Variants in TTLL7 observed in about 807,000 individuals in gnomAD.
TTLL7 encodes the protein tubulin tyrosine ligase like 7.
A neutral mutation model predicts 120.2 loss-of-function variants in TTLL7; 53 were observed. That is an observed-to-expected ratio of 0.44 (90% CI 0.35 to 0.55). The LOEUF (loss-of-function observed/expected upper bound fraction) is 0.55, where lower values mean the gene tolerates loss of function less well. Ranked by LOEUF, TTLL7 falls within the 20% of genes least tolerant of loss-of-function variation. TTLL7 has a pLI of 0.00. For synonymous variants in TTLL7, 353 were observed against 351.7 expected, an observed-to-expected ratio of 1.00 and a Z score of -0.04; for missense variants, 803 against 1,054.7, an observed-to-expected ratio of 0.76 and a Z score of 3.31.
At chr1:83,904,857 T>C (rs1657047505) in intron 17 of TTLL7, among the ~76,000 whole-genome samples, 1 of 152,104 alleles carries the variant, frequency 6.6e-6, no homozygotes, top group African/African-American at 2.4e-5. Context: ...ATATATAGTC[T>C]TGTAATATAT....
chr1:83,876,763 T>C (rs1421324118), intron 20 of TTLL7, among the ~76,000 whole-genome samples: 1 of 152,042 alleles, frequency 6.6e-6, no homozygotes, highest in African/African-American at 2.4e-5. Context: ...TATATTGACT[T>C]TGATTTATAT....
chr1:83,936,199 G>GA (rs990862093), intron 8 of TTLL7, among the ~76,000 whole-genome samples: 2 of 151,918 alleles, frequency 1.3e-5, no homozygotes, highest in African/African-American at 4.8e-5. Context: ...AATTGTGTAG[G>GA]AAAAAACACC....
At chr1:83,929,305 C>T in intron 9 of TTLL7, 75 bp from the exon 10 acceptor site, 1 of 1,122,904 alleles carries the variant, frequency 8.9e-7, no homozygotes, top group Non-Finnish European at 1.3e-6. Flanking sequence ...AATGTGGGAT[C>T]TCTAGCCAGT....
intron 1 of TTLL7, among the ~76,000 whole-genome samples, chr1:83,968,980 T>C (rs983378795): frequency 1.3e-5 from 2 of 152,020 alleles, no homozygotes; most frequent in African/African-American, 4.8e-5. Flanking sequence ...CTGAACATAG[T>C]AGGTACTCCA....
intron 19 of TTLL7, among the ~76,000 whole-genome samples, chr1:83,889,416 T>C (rs1447825639): frequency 3.3e-5 from 5 of 152,048 alleles, no homozygotes; most frequent in Non-Finnish European, 5.9e-5. Flanking sequence ...GTATATATCA[T>C]ACTTTATCTG....
At chr1:83,988,564 C>T (rs189124681) in intron 1 of TTLL7, among the ~76,000 whole-genome samples, 182 of 152,212 alleles carry the variant, frequency 1.2e-3, no homozygotes, top group Admixed American at 5.9e-3. Context: ...TTTGACTTTT[C>T]GTTAGTTGCC....
chr1:83,998,136 A>G (rs748087834), intron 1 of TTLL7, among the ~76,000 whole-genome samples: 3 of 152,228 alleles, frequency 2.0e-5, no homozygotes, highest in Non-Finnish European at 2.9e-5. Context: ...TCCATGGACT[A>G]TAGAGTCAGG....
At chr1:83,982,406 TTATATAAA>T (rs983175057) in intron 1 of TTLL7, among the ~76,000 whole-genome samples, 2 of 151,916 alleles carry the variant, frequency 1.3e-5, no homozygotes, top group Non-Finnish European at 2.9e-5. Context: ...GAAAAAAAAC[TTATATAAA>T]TATAAGAAAT....
intron 17 of TTLL7, among the ~76,000 whole-genome samples, chr1:83,905,730 A>C (rs1455047050): frequency 1.3e-5 from 2 of 152,028 alleles, no homozygotes; most frequent in African/African-American, 4.8e-5. Context: ...TATCTGAAAT[A>C]ACTTGGACCC....
chr1:83,873,477 A>C (rs1049781993), intron 20 of TTLL7, among the ~76,000 whole-genome samples: 1 of 152,168 alleles, frequency 6.6e-6, no homozygotes, highest in Admixed American at 6.5e-5. Flanking sequence ...ATTTGTGTAA[A>C]GCACTAAAAA....
At chr1:83,894,952 C>G (rs973029777) in intron 18 of TTLL7, among the ~76,000 whole-genome samples, 1 of 152,058 alleles carries the variant, frequency 6.6e-6, no homozygotes, top group East Asian at 1.9e-4. Context: ...ACTGAGGGAA[C>G]AGGAACCCAA....
chr1:83,909,269 C>CTTTTTTTTTTTTT (rs71582911), intron 15 of TTLL7, among the ~76,000 whole-genome samples: 1 of 99,292 alleles, frequency 1.0e-5, no homozygotes. Context: ...TTTTTTTTTC[C>CTTTTTTTTTTTTT]TTTTTTTTTT....
intron 1 of TTLL7, among the ~76,000 whole-genome samples, chr1:83,975,215 C>G (rs1384951583): frequency 6.6e-6 from 1 of 152,066 alleles, no homozygotes; most frequent in Non-Finnish European, 1.5e-5. Flanking sequence ...ATAGACTGCA[C>G]AAAAGGAGCT....
chr1:83,905,545 T>C (rs1245282470), intron 17 of TTLL7, among the ~76,000 whole-genome samples: 2 of 150,374 alleles, frequency 1.3e-5, no homozygotes, highest in African/African-American at 2.4e-5. Flanking sequence ...ATATTTTATA[T>C]ACATAATTTA....
chr1:83,947,963 T>A (rs1203888622), intron 5 of TTLL7, among the ~76,000 whole-genome samples: 2 of 152,138 alleles, frequency 1.3e-5, no homozygotes, highest in African/African-American at 4.8e-5. Flanking sequence ...TGCCTAAAAA[T>A]TTTTCAGTTT....
chr1:83,946,595 T>A (rs553592617), intron 6 of TTLL7, among the ~76,000 whole-genome samples: 1 of 152,342 alleles, frequency 6.6e-6, no homozygotes, highest in East Asian at 1.9e-4. Context: ...TATTCTCAGT[T>A]AACATGTCCA....
intron 12 of TTLL7, among the ~76,000 whole-genome samples, chr1:83,920,092 C>A (rs1571189124): frequency 6.6e-6 from 1 of 152,120 alleles, no homozygotes; most frequent in African/African-American, 2.4e-5. Flanking sequence ...TAATAAAATT[C>A]TTTCAAAACT....
chr1:83,986,861 G>A (rs1001720688), intron 1 of TTLL7, among the ~76,000 whole-genome samples: 7 of 152,028 alleles, frequency 4.6e-5, no homozygotes, highest in African/African-American at 1.7e-4. Flanking sequence ...AGAAGAAGAA[G>A]AAGGCAAGGA....
chr1:83,960,149 C>A (rs367544725), intron 1 of TTLL7, among the ~76,000 whole-genome samples: 3 of 152,094 alleles, frequency 2.0e-5, no homozygotes, highest in African/African-American at 7.2e-5. Flanking sequence ...AATACTTTTG[C>A]TTGAATCATT....
Sources: allele counts gnomAD v4.1 joint callset (sites outside exome capture counted in the v4.1 genomes callset), GRCh38; gene constraint gnomAD v4.1.1; transcripts MANE v1.5; gene names NCBI Gene and HGNC (gene_info 2026-07-23, HGNC 2026-07-21).